Variants in RUFY1 observed in about 807,000 individuals in gnomAD.
RUFY1 encodes RUN and FYVE domain containing 1.
Under a neutral mutation model 94.6 loss-of-function variants are expected in RUFY1, and 54 were observed. The observed-to-expected ratio is 0.57, with a 90% CI of 0.46 to 0.72. The LOEUF is 0.72. RUFY1 is among the 30% of genes least tolerant of loss of function. The pLI is 0.00. For synonymous variants in RUFY1, 396 were observed against 347.3 expected, an observed-to-expected ratio of 1.14 and a Z score of -1.56; for missense variants, 883 against 883.9, an observed-to-expected ratio of 1.00 and a Z score of 0.01.
At chr5:179,587,576 T>G (rs1159672152) in intron 8 of RUFY1, among the ~76,000 whole-genome samples, 1 of 148,530 alleles carries the variant, frequency 6.7e-6, no homozygotes, top group Non-Finnish European at 1.5e-5. Flanking sequence ...TTTTTTTTTT[T>G]TTTTTAGTAG....
intron 5 of RUFY1, among the ~76,000 whole-genome samples, chr5:179,575,909 G>C (rs1763578396): frequency 1.3e-5 from 2 of 151,976 alleles, no homozygotes; most frequent in African/African-American, 4.8e-5. Context: ...AGCCTCCCAA[G>C]TAGCTGGGAC....
intron 1 of RUFY1, among the ~76,000 whole-genome samples, chr5:179,557,642 C>T (rs566224389): frequency 6.6e-6 from 1 of 152,158 alleles, no homozygotes; most frequent in Admixed American, 6.5e-5. Context: ...GCAGTTTGGG[C>T]TCATTTAATT....
At chr5:179,576,245 C>G (rs534660440) in intron 5 of RUFY1, among the ~76,000 whole-genome samples, 1 of 152,224 alleles carries the variant, frequency 6.6e-6, no homozygotes, top group East Asian at 1.9e-4. Context: ...CTTATTCATT[C>G]TCAAGTGCTT....
chr5:179,603,879 G>A (rs145770633), intron 15 of RUFY1: 1 of 152,208 alleles, frequency 6.6e-6, no homozygotes, highest in Non-Finnish European at 1.5e-5. Flanking sequence ...CCAACGTGGA[G>A]AAACCCCATC....
intron 5 of RUFY1, among the ~76,000 whole-genome samples, chr5:179,574,341 G>A (rs1474494439): frequency 6.6e-6 from 1 of 152,170 alleles, no homozygotes; most frequent in East Asian, 1.9e-4. Context: ...GCTGCAGTGA[G>A]CTGAGACCGT....
intron 1 of RUFY1, among the ~76,000 whole-genome samples, chr5:179,558,847 T>A (rs1762239964): frequency 6.6e-6 from 1 of 152,226 alleles, no homozygotes; most frequent in African/African-American, 2.4e-5. Flanking sequence ...ATAAATATGC[T>A]CTTTAATTGT....
chr5:179,560,725 C>CAAAAAAAAAAAAAAA (rs68093858), intron 2 of RUFY1, among the ~76,000 whole-genome samples: 4 of 78,804 alleles, frequency 5.1e-5, no homozygotes, highest in Admixed American at 1.5e-4. Flanking sequence ...GACTCCGTCT[C>CAAAAAAAAAAAAAAA]AAAAAAAAAA....
intron 1 of RUFY1, among the ~76,000 whole-genome samples, chr5:179,554,861 G>T (rs1022480377): frequency 6.6e-6 from 1 of 151,604 alleles, no homozygotes; most frequent in Non-Finnish European, 1.5e-5. Context: ...CCAGCTGCTC[G>T]GGAGGCTGAG....
chr5:179,598,217 G>A (rs763243898), intron 13 of RUFY1: 165 of 156,696 alleles, frequency 1.1e-3, no homozygotes, highest in Non-Finnish European at 6.2e-4. Flanking sequence ...AGAATGAATT[G>A]GCCAGTGAGG....
intron 15 of RUFY1, among the ~76,000 whole-genome samples, chr5:179,604,482 A>G (rs1407612831): frequency 6.6e-6 from 1 of 151,978 alleles, no homozygotes; most frequent in Non-Finnish European, 1.5e-5. Flanking sequence ...CTGCTGGCCT[A>G]TTTCCTGTTT....
In RUFY1 at chr5:179,591,606, G is replaced by C; in HGVS notation, c.1129-19G>C. On this transcript the variant is annotated intron_variant, in intron 9 of 17. Transcript: ENST00000319449. ...TTCCATAAGCAAACAATTCCTCTTG[G>C]TGTCCTTGTTTGATACAGATAACAA... The C allele has an allele frequency of 6.8e-7, 1 of 1,460,786 alleles. No individual in the cohort carries two copies. The highest frequency in any genetic ancestry group is 9.5e-7 in the Non-Finnish European group (1 of 1,049,106). The allele number at this position is 1,460,786 out of a possible 1,614,324, so 90.5% of individuals were successfully genotyped here. A position where few individuals can be genotyped will look rare whatever the true frequency, so the allele number is the denominator to read the frequency against.
rs74626262 is a variant in RUFY1 at position 179,587,080 on chromosome 5, G to T, written c.1026+1215G>T. ...GGGTTTTTCTGCTTTTTGAGACAGG[G>T]TCTCACTCTGTCACCCAGGCTGGAG... is the stretch of plus-strand genomic sequence containing the variant. On this transcript the variant is annotated intron_variant, in intron 8 of 17. Transcript: ENST00000319449. Among the ~76,000 whole-genome samples the T allele has an allele frequency of 9.1e-3, 1,389 of 152,186 alleles. 24 individuals are homozygous for T. The highest frequency in any genetic ancestry group is 0.03 in the African/African-American group (1,239 of 41,548).
At position 179,596,584 on chromosome 5, in the gene RUFY1, A is replaced by C; in HGVS notation, c.1534A>C (p.Arg512=). The C allele has an allele frequency of 1.2e-6, 2 of 1,613,530 alleles. No individual in the cohort carries two copies. Among genetic ancestry groups the C allele is most frequent in the Non-Finnish European group, 1.7e-6 (2 of 1,179,978 alleles). The change falls in exon 13 of 18, where the codon AGG becomes CGG. Residue 512 remains arginine (R), a synonymous_variant. Coordinates refer to ENST00000319449, the MANE Select transcript of RUFY1 (RefSeq NM_025158.5). ...CAGGTTGCAGCACTCGGAGCGGGCG[A>C]GGCAGGGGGCTGAGGAGCGGAGCCA... The part of the protein sequence containing the change: ...EERLQHSERA[R]QGAEERSHKL...
intron 14 of RUFY1, among the ~76,000 whole-genome samples, chr5:179,600,273 C>T (rs925012785): frequency 6.6e-6 from 1 of 152,214 alleles, no homozygotes; most frequent in Non-Finnish European, 1.5e-5. Context: ...CGAGCTCCAC[C>T]GCTGCTCCCA....
intron 10 of RUFY1, among the ~76,000 whole-genome samples, 188 bp from the exon 11 acceptor site, chr5:179,593,290 C>G (rs972980229): frequency 6.6e-6 from 1 of 152,074 alleles, no homozygotes; most frequent in Non-Finnish European, 1.5e-5. Context: ...CTTGGCCAGG[C>G]TGCTCTCGAA....
intron 15 of RUFY1, among the ~76,000 whole-genome samples, chr5:179,604,348 G>A (rs1296380605): frequency 6.6e-6 from 1 of 152,164 alleles, no homozygotes; most frequent in Non-Finnish European, 1.5e-5. Context: ...CAGTTTCATT[G>A]GCTTGGGAAC....
At chr5:179,567,137 C>G (rs1381233958) in intron 3 of RUFY1, among the ~76,000 whole-genome samples, 2 of 152,224 alleles carry the variant, frequency 1.3e-5, no homozygotes, top group East Asian at 3.8e-4. Context: ...AGCACTTTAA[C>G]AAGCACTAAG....
At chr5:179,587,152 C>T (rs1405392537) in intron 8 of RUFY1, among the ~76,000 whole-genome samples, 2 of 151,956 alleles carry the variant, frequency 1.3e-5, no homozygotes, top group Non-Finnish European at 2.9e-5. Flanking sequence ...CTTCTGGGCT[C>T]AAGAGACCCT....
Position 179,608,236 on chromosome 5 carries a change from G to A in RUFY1, c.1983+577G>A, listed in dbSNP as rs542124692. The A allele has an allele frequency of 3.2e-5, 31 of 956,058 alleles. 1 individual carries two copies. In the South Asian group the frequency reaches 1.1e-3, roughly 33 times the overall value. 59.2% of individuals were successfully genotyped at this position (956,058 alleles called of 1,614,324 possible). ...GGGAGCTAAAGGAAACACTGCCAGC[G>A]CCACCCACCTTTCTGCCACAGCCAT... is the stretch of plus-strand genomic sequence containing the variant. On this transcript the variant is annotated intron_variant, in intron 17 of 17. Coordinates refer to ENST00000319449, the MANE Select transcript of RUFY1 (RefSeq NM_025158.5).
Sources: allele counts gnomAD v4.1 joint callset (sites outside exome capture counted in the v4.1 genomes callset), GRCh38; gene constraint gnomAD v4.1.1; transcripts MANE v1.5; gene names NCBI Gene and HGNC (gene_info 2026-07-23, HGNC 2026-07-21).